The following FLYWCH1 variants were observed in gnomAD, a reference collection of about 807,000 sequenced individuals.
FLYWCH1 encodes FLYWCH-type zinc finger-containing protein 1.
In FLYWCH1, 75 loss-of-function variants were observed where a neutral mutation model predicts 66.4. The observed-to-expected ratio is 1.13, with a 90% CI of 0.94 to 1.37. The LOEUF is 1.37. Ranked by LOEUF, FLYWCH1 falls within the 40% of genes most tolerant of loss-of-function variation. The probability of loss-of-function intolerance (pLI) is 0.00; values close to 1 mark genes in which losing one functional copy is unlikely to be tolerated. For synonymous variants in FLYWCH1, 595 were observed against 429.9 expected (o/e 1.38, Z -4.75); for missense variants, 1,334 against 1,001.8 (o/e 1.33, Z -4.48).
In FLYWCH1 at chr16:2,937,292, T is replaced by C. The variant is rs1222358699; in HGVS notation, c.1685T>C (p.Met562Thr). 9 of 1,604,358 alleles carry C rather than the reference T, an allele frequency of 5.6e-6. No individual in the cohort carries two copies. Among genetic ancestry groups the C allele is most frequent in the South Asian group, 1.1e-5 (1 of 90,048 alleles). ...AITQGRRVMVMRRHCHPPDLG... is the reference protein window; with the variant it reads ...AITQGRRVMVTRRHCHPPDLG... ...ACCCAGGGCCGGCGGGTCATGGTCA[T>C]GCGCAGGCACTGCCACCCACCGGAC... The change falls in exon 7 of 10, where the codon ATG becomes ACG. Residue 562 changes from methionine (M) to threonine (T), a missense_variant. By Grantham distance (81) the Met-to-Thr change is moderately conservative. Transcript: ENST00000253928.
Position 2,936,620 on chromosome 16 carries a change from C to G in FLYWCH1, c.1514-501C>G, listed in dbSNP as rs1306650423. 6.6e-6 allele frequency: 3 copies of G among 457,584 alleles called. No homozygotes were observed. In the Admixed American group the frequency reaches 7.0e-5, roughly 11 times the overall value. The allele number at this position is 457,584 out of a possible 1,614,324, so 28.3% of individuals were successfully genotyped here. On this transcript the variant is annotated intron_variant, in intron 6 of 9. Transcript: ENST00000253928. ...GCAAGGCACAGCCACCCGCCAGGTC[C>G]TCCCTCTCACCACATCCAGGACAGT... is the stretch of plus-strand genomic sequence containing the variant.
At chr16:2,934,609 C>T (rs1216552521) in intron 6 of FLYWCH1, 2 of 456,580 alleles carry the variant, frequency 4.4e-6, no homozygotes, top group Admixed American at 2.4e-5. Context: ...TCCTTCACGC[C>T]CCAAGGCGCT....
At chr16:2,930,902 G>T (rs754091627) in intron 4 of FLYWCH1, 22 bp downstream of exon 4, 8 of 1,548,904 alleles carry the variant, frequency 5.2e-6, no homozygotes, top group South Asian at 3.5e-5. Context: ...CCACTCCCCT[G>T]CTGCGTCCAC....
chr16:2,921,866 A>G (rs545961494), intron 2 of FLYWCH1, among the ~76,000 whole-genome samples: 85 of 152,078 alleles, frequency 5.6e-4, no homozygotes, highest in Middle Eastern at 6.8e-3. Flanking sequence ...GTTCGAGACC[A>G]TCCTGGCCAA....
At position 2,951,141 on chromosome 16, in the gene FLYWCH1, C is replaced by G. The variant is rs1321321333; in HGVS notation, c.*2414C>G. The G allele has an allele frequency of 6.6e-6, 1 of 152,278 alleles. No homozygotes were observed. Among genetic ancestry groups the G allele is most frequent in the Non-Finnish European group, 1.5e-5 (1 of 68,064 alleles). The allele number at this position is 152,278 out of a possible 1,614,324, so 9.4% of individuals were successfully genotyped here. A position where few individuals can be genotyped will look rare whatever the true frequency, so the allele number is the denominator to read the frequency against. On this transcript the variant is annotated 3_prime_UTR_variant, in exon 10 of 10. Transcript: ENST00000253928. The stretch of plus-strand genomic sequence containing the variant: ...GCACCACATGGTGTGTGTCCGTGCC[C>G]TTTGACATGACAGTGCCAACAACAT...
intron 6 of FLYWCH1, chr16:2,934,698 C>G (rs146280330): frequency 4.6e-5 from 21 of 455,830 alleles, no homozygotes; most frequent in South Asian, 3.1e-4. Flanking sequence ...AAAGTTCTCT[C>G]GGACTTGAGA....
In FLYWCH1 at chr16:2,944,649, C is replaced by G. The variant is rs560897877; in HGVS notation, c.2112-4039C>G. Among the ~76,000 whole-genome samples, 3 of 151,278 alleles carry G rather than the reference C, an allele frequency of 2.0e-5. 1 individual carries two copies. In the South Asian group the frequency reaches 6.3e-4, roughly 32 times the overall value. On this transcript the variant is annotated intron_variant, in intron 9 of 9. Coordinates refer to ENST00000253928, the MANE Select transcript of FLYWCH1 (RefSeq NM_001308068.2). ...ACCAGCTTGGGAAACATGGTGAAAC[C>G]CCGTCTCTACTAAAAATACAAAAAT... is the stretch of plus-strand genomic sequence containing the variant.
chr16:2,939,974 C>A, intron 8 of FLYWCH1, 58 bp from the exon 9 acceptor site: 1 of 1,545,726 alleles, frequency 6.5e-7, no homozygotes. Flanking sequence ...GTCCTTGGTT[C>A]TGTCAGCTTC....
intron 6 of FLYWCH1, 110 bp from the exon 7 acceptor site, chr16:2,937,011 T>C: frequency 7.6e-7 from 1 of 1,308,432 alleles, no homozygotes; most frequent in Admixed American, 2.7e-5. Flanking sequence ...CGGGGCCACC[T>C]CACTGTGAGG....
At chr16:2,916,788 C>CT (rs1354958695) in intron 2 of FLYWCH1, among the ~76,000 whole-genome samples, 1 of 152,086 alleles carries the variant, frequency 6.6e-6, no homozygotes, top group African/African-American at 2.4e-5. Flanking sequence ...TTCCTCTCTT[C>CT]TTGAGGTTCC....
chr16:2,938,462 G>C lies in FLYWCH1; in HGVS notation c.2050+6G>C. The C allele has an allele frequency of 6.6e-7, 1 of 1,518,356 alleles. No individual in the cohort carries two copies. The highest frequency in any genetic ancestry group is 8.8e-7 in the Non-Finnish European group (1 of 1,135,272). 94.1% of individuals were successfully genotyped at this position (1,518,356 alleles called of 1,614,324 possible). On this transcript the variant is annotated splice_donor_region_variant and intron_variant, in intron 8 of 9. Coordinates refer to ENST00000253928, the MANE Select transcript of FLYWCH1 (RefSeq NM_001308068.2). Reference sequence around the variant, plus strand: ...GGCCCAGCAGGAGGACCCAGGTACAGGCAGGCTGTGGGGCAGAGGCAGGGC... The same window carrying C: ...GGCCCAGCAGGAGGACCCAGGTACACGCAGGCTGTGGGGCAGAGGCAGGGC...
At position 2,933,962 on chromosome 16, in the gene FLYWCH1, C is replaced by T. The variant is rs201896481; in HGVS notation, c.1496C>T (p.Ala499Val). The T allele has an allele frequency of 1.5e-4, 227 of 1,545,530 alleles. No homozygotes were observed. In the African/African-American group the frequency reaches 2.6e-3, roughly 17 times the overall value. The change falls in exon 6 of 10, where the codon GCG becomes GTG. Residue 499 changes from alanine (A) to valine (V), a missense_variant. Ala to Val is a moderately conservative substitution (Grantham distance 64). Coordinates refer to ENST00000253928, the MANE Select transcript of FLYWCH1 (RefSeq NM_001308068.2). ...LRQREKRPNT[A>V]QRGSPGGPEF... ...CAGCGGGAGAAACGCCCCAACACGG[C>T]GCAGCGGGGGAGCCCAGGTACCTGG...
At chr16:2,932,955 G>C (rs926454330) in intron 4 of FLYWCH1, among the ~76,000 whole-genome samples, 175 bp from the exon 5 acceptor site, 4 of 152,026 alleles carry the variant, frequency 2.6e-5, no homozygotes, top group Admixed American at 2.0e-4. Flanking sequence ...TCGCTTGGTG[G>C]TAGGGGTTCA....
Position 2,944,911 on chromosome 16 carries a change from G to A in FLYWCH1, c.2112-3777G>A, listed in dbSNP as rs142255111. 7.4e-4 allele frequency among the ~76,000 whole-genome samples: 113 copies of A among 152,202 alleles called. 1 individual carries two copies. The highest frequency in any genetic ancestry group is 2.5e-3 in the African/African-American group (105 of 41,518). ...GAGGTATCCAAAAGAAGGCACTGTC[G>A]TCATAGGAGATGACAGCTCTAAATG... On this transcript the variant is annotated intron_variant, in intron 9 of 9. Coordinates refer to ENST00000253928, the MANE Select transcript of FLYWCH1 (RefSeq NM_001308068.2).
At chr16:2,934,019 G>A in intron 6 of FLYWCH1, 40 bp downstream of exon 6, 2 of 1,483,048 alleles carry the variant, frequency 1.3e-6, no homozygotes, top group South Asian at 1.3e-5. Flanking sequence ...CCAGGAAGCA[G>A]GCAGGAGCCC....
chr16:2,940,857 GGC>G lies in FLYWCH1; in HGVS notation c.2111+766_2111+767del, dbSNP rs1416400708. Among the ~76,000 whole-genome samples the G allele has an allele frequency of 6.1e-3, 172 of 28,114 alleles. 1 individual carries two copies. Among genetic ancestry groups the G allele is most frequent in the African/African-American group, 0.049 (165 of 3,352 alleles). The allele number at this position is 28,114 out of a possible 152,430, so 18.4% of individuals were successfully genotyped here. ...TAATTCCAGCACTTTGGGAGGCCAA[GGC>G]AGGCAGATCATTTGTAATTCCAGCA... On this transcript the variant is annotated intron_variant, in intron 9 of 9. Transcript: ENST00000253928.
At chr16:2,936,409 C>T (rs1197794848) in intron 6 of FLYWCH1, 1 of 456,386 alleles carries the variant, frequency 2.2e-6, no homozygotes, top group African/African-American at 2.0e-5. Context: ...GCCCAGCCCT[C>T]TCCATCCCTC....
chr16:2,919,797 G>A (rs1305737916), intron 2 of FLYWCH1, among the ~76,000 whole-genome samples: 3 of 152,042 alleles, frequency 2.0e-5, no homozygotes, highest in Admixed American at 6.5e-5. Flanking sequence ...ATTGCCACCC[G>A]TGTAATTTTA....
At chr16:2,920,138 A>G (rs1371139089) in intron 2 of FLYWCH1, among the ~76,000 whole-genome samples, 1 of 152,144 alleles carries the variant, frequency 6.6e-6, no homozygotes, top group African/African-American at 2.4e-5. Context: ...GTTTCTATAT[A>G]TTTTTAGAAT....
Sources: gnomAD v4.1 joint callset for allele counts (sites outside exome capture counted in the v4.1 genomes callset) on GRCh38, gnomAD v4.1.1 for gene constraint, MANE v1.5 for transcripts, NCBI Gene and HGNC (gene_info 2026-07-23, HGNC 2026-07-21) for gene names.